ALPK3: variants seen among roughly 807,000 people sequenced by gnomAD.
ALPK3 encodes alpha kinase 3, also known as alpha-protein kinase 3.
A neutral mutation model predicts 140.0 loss-of-function variants in ALPK3; 102 were observed. The ratio of observed to expected loss-of-function variants is 0.73; its 90% CI spans 0.62 to 0.86. The LOEUF is 0.86. Ranked by LOEUF, ALPK3 falls within the 40% of genes least tolerant of loss-of-function variation. The pLI, the probability that ALPK3 is intolerant of heterozygous loss-of-function variation, is 0.00. For synonymous variants in ALPK3, 938 were observed against 898.5 expected (o/e 1.04, Z -0.79); for missense variants, 2,254 against 2,208.2 (o/e 1.02, Z -0.42).
intron 2 of ALPK3, among the ~76,000 whole-genome samples, chr15:84,824,162 C>T (rs537143294): frequency 2.0e-5 from 3 of 152,272 alleles, no homozygotes; most frequent in Non-Finnish European, 4.4e-5. Context: ...ATTTTCCTTT[C>T]CTTTGGTTCC....
At chr15:84,844,009 T>A (rs1169214618) in intron 5 of ALPK3, among the ~76,000 whole-genome samples, 4 of 152,024 alleles carry the variant, frequency 2.6e-5, no homozygotes, top group Non-Finnish European at 5.9e-5. Flanking sequence ...GGTGGGTGGA[T>A]AACAAGCTCA....
intron 5 of ALPK3, among the ~76,000 whole-genome samples, chr15:84,842,743 A>G (rs1293622551): frequency 6.6e-6 from 1 of 152,176 alleles, no homozygotes; most frequent in African/African-American, 2.4e-5. Context: ...TTGGAGTGGA[A>G]CAAACCTCAA....
chr15:84,858,620 GCTGCTAACAGCA>G, intron 6 of ALPK3, 65 bp downstream of exon 6: 1 of 1,495,374 alleles, frequency 6.7e-7, no homozygotes, highest in Non-Finnish European at 8.8e-7. Context: ...CACTGCTGCT[GCTGCTAACAGCA>G]CTACCCCATG....
intron 11 of ALPK3, 128 bp from the exon 12 acceptor site, chr15:84,864,313 TG>T (rs1376807404): frequency 2.1e-6 from 2 of 969,424 alleles, no homozygotes; most frequent in African/African-American, 3.3e-5. Context: ...TGCTGTCCTT[TG>T]GGCTCGGAGC....
rs1338612539 is a variant in ALPK3, at chr15:84,868,257, C to CT, written c.4920dup (p.Lys1641Ter). On this transcript the variant is annotated frameshift_variant, in exon 14 of 14. Transcript: ENST00000258888. LOFTEE classifies it high-confidence loss of function. ...CACCCCCAAGCCAAAGCCAAAGGCT[C>CT]TAAGAGTCCATCTGCTGGCAGGAAA... 8.4e-5 allele frequency: 135 copies of CT among 1,614,072 alleles called. No individual in the cohort carries two copies. The highest frequency in any genetic ancestry group is 1.1e-4 in the Non-Finnish European group (133 of 1,180,016).
chr15:84,821,281 A>G (rs911029281), intron 1 of ALPK3, among the ~76,000 whole-genome samples: 1 of 152,182 alleles, frequency 6.6e-6, no homozygotes, highest in African/African-American at 2.4e-5. Context: ...TAGAGAGGGC[A>G]GGGCGGTTGG....
At chr15:84,851,546 G>A (rs1963802559) in intron 5 of ALPK3, among the ~76,000 whole-genome samples, 2 of 152,154 alleles carry the variant, frequency 1.3e-5, no homozygotes, top group Non-Finnish European at 1.5e-5. Flanking sequence ...CCACTGCTCA[G>A]GTCCTCTCCC....
intron 5 of ALPK3, among the ~76,000 whole-genome samples, chr15:84,852,336 C>T (rs1254251105): frequency 3.3e-5 from 5 of 152,320 alleles, no homozygotes; most frequent in Non-Finnish European, 4.4e-5. Context: ...GGCTATGCTG[C>T]ACGAAGGGCT....
At position 84,838,629 on chromosome 15, in the gene ALPK3, T is replaced by TTA. The variant is rs1340612035; in HGVS notation, c.305-349_305-348dup. 6.2e-4 allele frequency among the ~76,000 whole-genome samples: 45 copies of TTA among 72,854 alleles called. 1 individual carries two copies. The South Asian group carries it at 0.023, about 37-fold the overall frequency. 47.8% of individuals were successfully genotyped at this position (72,854 alleles called of 152,430 possible). A position where few individuals can be genotyped will look rare whatever the true frequency, so the allele number is the denominator to read the frequency against. Reference sequence around the variant, plus strand: ...ATTATTATTATTATTATTATTATTATTATTATTATTGAGATGGAGTCTCAC... The same window carrying TTA: ...ATTATTATTATTATTATTATTATTATTATATTATTATTGAGATGGAGTCTCAC... On this transcript the variant is annotated intron_variant, in intron 3 of 13. Coordinates refer to ENST00000258888, the MANE Select transcript of ALPK3 (RefSeq NM_020778.5).
At position 84,872,139 on chromosome 15, in the gene ALPK3, G is replaced by A. The variant is rs1312619211; in HGVS notation, c.*3683G>A. The A allele has an allele frequency of 1.3e-5, 2 of 152,284 alleles. No homozygotes were observed. The highest frequency in any genetic ancestry group is 2.9e-5 in the Non-Finnish European group (2 of 68,074). The allele number at this position is 152,284 out of a possible 1,614,324, so 9.4% of individuals were successfully genotyped here. A position where few individuals can be genotyped will look rare whatever the true frequency, so the allele number is the denominator to read the frequency against. On this transcript the variant is annotated 3_prime_UTR_variant, in exon 14 of 14. Transcript: ENST00000258888. ...CTGGCCATGCCAGACTTTATGGCTAGGCGGTCAGATAACACTACGAGGGGC... is the reference window on the plus strand; with the variant it reads ...CTGGCCATGCCAGACTTTATGGCTAAGCGGTCAGATAACACTACGAGGGGC...
At chr15:84,833,446 A>G (rs1963565246) in intron 3 of ALPK3, among the ~76,000 whole-genome samples, 1 of 152,218 alleles carries the variant, frequency 6.6e-6, no homozygotes, top group Non-Finnish European at 1.5e-5. Context: ...AGGTTCTGCA[A>G]ACTAAAGAGT....
In ALPK3 at chr15:84,871,567, A is replaced by G. The variant is rs1964070975; in HGVS notation, c.*3111A>G. On this transcript the variant is annotated 3_prime_UTR_variant, in exon 14 of 14. Coordinates refer to ENST00000258888, the MANE Select transcript of ALPK3 (RefSeq NM_020778.5). The stretch of plus-strand genomic sequence containing the variant: ...AACCTCGGGTATGAGAAAAGCATTG[A>G]GATCTAGCAATAGCAGGGCCATGTC... 1 of 152,246 alleles carries G rather than the reference A, an allele frequency of 6.6e-6. No individual in the cohort carries two copies. Among genetic ancestry groups the G allele is most frequent in the South Asian group, 2.1e-4 (1 of 4,830 alleles). 9.4% of individuals were successfully genotyped at this position (152,246 alleles called of 1,614,324 possible). A position where few individuals can be genotyped will look rare whatever the true frequency, so the allele number is the denominator to read the frequency against.
chr15:84,846,534 A>T (rs530846694), intron 5 of ALPK3, among the ~76,000 whole-genome samples: 36 of 152,162 alleles, frequency 2.4e-4, no homozygotes, highest in African/African-American at 8.7e-4. Context: ...AAATACAAAA[A>T]AGTTAGCTGG....
chr15:84,861,096 A>C (rs1963940174), intron 9 of ALPK3, among the ~76,000 whole-genome samples: 1 of 152,262 alleles, frequency 6.6e-6, no homozygotes, highest in Non-Finnish European at 1.5e-5. Flanking sequence ...ACATCCAGTC[A>C]GATTTCCCCA....
chr15:84,840,462 A>G lies in ALPK3; in HGVS notation c.1183A>G (p.Thr395Ala), dbSNP rs1285409508. 7 of 1,613,452 alleles carry G rather than the reference A, an allele frequency of 4.3e-6. 1 individual carries two copies. Among genetic ancestry groups the G allele is most frequent in the Non-Finnish European group, 4.2e-6 (5 of 1,179,846 alleles). Residue 395 changes from threonine (T) to alanine (A), a missense_variant, in exon 5 of 14, where the codon ACT (threonine) becomes GCT (alanine). By Grantham distance (58) the Thr-to-Ala change is moderately conservative. Around this residue, in one of 3 missense-constraint regions of ALPK3, gnomAD observed 2,088 missense variants for 2,022.9 expected, o/e 1.03. Coordinates refer to ENST00000258888, the MANE Select transcript of ALPK3 (RefSeq NM_020778.5). ...STRKPASAVG[T>A]PDKAQKAPGP... The stretch of plus-strand genomic sequence containing the variant: ...CAGGAAGCCAGCCTCTGCTGTGGGC[A>G]CTCCAGACAAGGCCCAGAAGGCCCC...
Position 84,857,925 on chromosome 15 carries a change from G to A in ALPK3, c.3187G>A (p.Gly1063Ser). Residue 1063 changes from glycine (G) to serine (S), a missense_variant, in exon 6 of 14, where the codon GGT (glycine) becomes AGT (serine). Gly to Ser is a moderately conservative substitution (Grantham distance 56). Around this residue, in one of 3 missense-constraint regions of ALPK3, gnomAD observed 2,088 missense variants for 2,022.9 expected, o/e 1.03. Transcript: ENST00000258888. ...CCTTGCTGCTGCCCGAGGCTCCTGG[G>A]GTCCTGGTCCCAGCTCCCTCACTGT... ...QALAAARGSW[G>S]PGPSSLTVPA... The A allele has an allele frequency of 1.2e-6, 2 of 1,610,378 alleles. No individual in the cohort carries two copies. Among genetic ancestry groups the A allele is most frequent in the Non-Finnish European group, 1.7e-6 (2 of 1,178,868 alleles).
intron 12 of ALPK3, among the ~76,000 whole-genome samples, chr15:84,865,954 A>T (rs1963999379): frequency 6.6e-6 from 1 of 152,208 alleles, no homozygotes; most frequent in South Asian, 2.1e-4. Context: ...AAAATAATAA[A>T]GAAAAAAATA....
In ALPK3 at chr15:84,826,546, G is replaced by A. The variant is rs369372716; in HGVS notation, c.183-938G>A. ...ACACCTAGGAACGCACTGTGTCTCT[G>A]CTGGCCCTTGAAAGGGTTTGGCATG... On this transcript the variant is annotated intron_variant, in intron 2 of 13. Transcript: ENST00000258888. Among the ~76,000 whole-genome samples, 150 of 152,296 alleles carry A rather than the reference G, an allele frequency of 9.8e-4. 1 individual carries two copies. The highest frequency in any genetic ancestry group is 1.7e-3 in the Non-Finnish European group (113 of 68,022).
rs760546554 is a variant in ALPK3 at position 84,867,340 on chromosome 15, G to T, written c.4747G>T (p.Val1583Leu). The change falls in exon 13 of 14, where the codon GTG (valine) becomes TTG (leucine). Residue 1583 changes from valine (V) to leucine (L), a missense_variant. Transcript: ENST00000258888. ...AGGGGTTGACTGGAAGATGACTGATGTGCAGATTGCTACCAAACTCCGAGG... is the reference window on the plus strand; with the variant it reads ...AGGGGTTGACTGGAAGATGACTGATTTGCAGATTGCTACCAAACTCCGAGG... ...LAGVDWKMTD[V>L]QIATKLRGYQ... The T allele has an allele frequency of 6.2e-7, 1 of 1,614,004 alleles. No homozygotes were observed. Among genetic ancestry groups the T allele is most frequent in the South Asian group, 1.1e-5 (1 of 91,074 alleles).
Sources: gnomAD v4.1 joint callset for allele counts (sites outside exome capture counted in the v4.1 genomes callset) on GRCh38, gnomAD v4.1.1 for gene constraint, gnomAD v4.1.1 regional missense constraint, MANE v1.5 for transcripts, NCBI Gene and HGNC (gene_info 2026-07-23, HGNC 2026-07-21) for gene names.